The following CADPS variants were observed in gnomAD, a reference collection of about 807,000 sequenced individuals.
CADPS encodes the protein calcium-dependent secretion activator 1.
A neutral mutation model predicts 167.3 loss-of-function variants in CADPS; 57 were observed. The ratio of observed to expected loss-of-function variants is 0.34; its 90% CI spans 0.28 to 0.42. The LOEUF (loss-of-function observed/expected upper bound fraction) is 0.42, where lower values mean the gene tolerates loss of function less well. CADPS is among the 20% of genes least tolerant of loss of function. The pLI, the probability that CADPS is intolerant of heterozygous loss-of-function variation, is 1.00. For missense variants in CADPS, 1,414 were observed against 1,738.1 expected, an observed-to-expected ratio of 0.81 and a Z score of 3.32; for synonymous variants, 676 against 635.3, an observed-to-expected ratio of 1.06 and a Z score of -0.96.
chr3:62,645,650 C>A, intron 6 of CADPS, 72 bp downstream of exon 6: 1 of 1,543,748 alleles, frequency 6.5e-7, no homozygotes, highest in Non-Finnish European at 8.9e-7. Context: ...AGATCTTTAC[C>A]TTGGAGTTGG....
At position 62,533,003 on chromosome 3, in the gene CADPS, C is replaced by T. The variant is rs2074026360; in HGVS notation, c.2159G>A (p.Gly720Glu). 6 of 1,613,794 alleles carry T rather than the reference C, an allele frequency of 3.7e-6. No homozygotes were observed. Among genetic ancestry groups the T allele is most frequent in the Non-Finnish European group, 5.1e-6 (6 of 1,179,822 alleles). ...GAGATGTCGGTGACACCCCCGGACTCCATTTCGGGCGCAATACTCGTCTAG... is the reference window on the plus strand; with the variant it reads ...GAGATGTCGGTGACACCCCCGGACTTCATTTCGGGCGCAATACTCGTCTAG... ...FVLDEYCARN[G>E]VRGCHRHLCY... The change falls in exon 13 of 30, where the codon GGA (glycine) becomes GAA (glutamate). Residue 720 changes from glycine (G) to glutamate (E), a missense_variant. Physicochemically the swap from Gly to Glu is moderately conservative, Grantham distance 98 (BLOSUM62 -2). Coordinates refer to ENST00000383710, the MANE Select transcript of CADPS (RefSeq NM_003716.4).
At chr3:62,472,114 T>C (rs1372293088) in intron 24 of CADPS, among the ~76,000 whole-genome samples, 1 of 152,190 alleles carries the variant, frequency 6.6e-6, no homozygotes, top group African/African-American at 2.4e-5. Context: ...CGGCCACATA[T>C]TGTATGATTT....
chr3:62,684,742 C>A (rs1240515529), intron 3 of CADPS, among the ~76,000 whole-genome samples: 1 of 151,888 alleles, frequency 6.6e-6, no homozygotes, highest in African/African-American at 2.4e-5. Context: ...GAGTGTCTTC[C>A]CTGGTTTAAG....
At chr3:62,744,528 GT>G (rs1302185254) in intron 3 of CADPS, among the ~76,000 whole-genome samples, 1 of 152,176 alleles carries the variant, frequency 6.6e-6, no homozygotes, top group African/African-American at 2.4e-5. Flanking sequence ...ATCTGGACTG[GT>G]GAAACGTGTT....
rs562953640 is a variant in CADPS at position 62,568,581 on chromosome 3, T to A, written c.1644+2291A>T. Among the ~76,000 whole-genome samples, 16 of 152,360 alleles carry A rather than the reference T, an allele frequency of 1.1e-4. 1 individual carries two copies. In the South Asian group the frequency reaches 3.3e-3, roughly 32 times the overall value. On this transcript the variant is annotated intron_variant, in intron 9 of 29. Coordinates refer to ENST00000383710, the MANE Select transcript of CADPS (RefSeq NM_003716.4). ...AGGTCTTTGGCCTCAGACTGAAGGC[T>A]GTACTGTTGGCTTCCTTTGTTTTGA...
In CADPS at chr3:62,582,443, C is replaced by G. The variant is rs539516513; in HGVS notation, c.1577+2742G>C. Among the ~76,000 whole-genome samples the G allele has an allele frequency of 9.3e-4, 141 of 152,290 alleles. 2 individuals are homozygous for G. In the Middle Eastern group the frequency reaches 0.01, roughly 11 times the overall value. Reference sequence around the variant, plus strand: ...CCTGAGTGACAGAGCCCCACCCCATCTCAAAAAAATTTTTCTTTTCCTTTT... The same window carrying G: ...CCTGAGTGACAGAGCCCCACCCCATGTCAAAAAAATTTTTCTTTTCCTTTT... On this transcript the variant is annotated intron_variant, in intron 8 of 29. Transcript: ENST00000383710.
intron 9 of CADPS, among the ~76,000 whole-genome samples, chr3:62,568,309 G>C (rs1326251043): frequency 6.6e-6 from 1 of 152,226 alleles, no homozygotes; most frequent in African/African-American, 2.4e-5. Context: ...ACTGACAGTT[G>C]AGTTGGTGGC....
At chr3:62,840,704 T>C (rs2076533884) in intron 1 of CADPS, among the ~76,000 whole-genome samples, 1 of 152,206 alleles carries the variant, frequency 6.6e-6, no homozygotes, top group Non-Finnish European at 1.5e-5. Flanking sequence ...GCTGAGGCAG[T>C]AATACTTTTT....
intron 21 of CADPS, among the ~76,000 whole-genome samples, chr3:62,488,218 G>A (rs2063128632): frequency 6.6e-6 from 1 of 152,136 alleles, no homozygotes; most frequent in Non-Finnish European, 1.5e-5. Flanking sequence ...AAAAATCTAA[G>A]AAGAGAAATG....
chr3:62,816,105 C>G (rs1379130937), intron 1 of CADPS, among the ~76,000 whole-genome samples: 1 of 152,112 alleles, frequency 6.6e-6, no homozygotes, highest in African/African-American at 2.4e-5. Flanking sequence ...TCATGATACT[C>G]TGACCTGCTC....
chr3:62,662,490 A>G lies in CADPS; in HGVS notation c.889-96T>C. 5.0e-6 allele frequency: 5 copies of G among 991,082 alleles called. No homozygotes were observed. The South Asian group carries it at 6.9e-5, about 14-fold the overall frequency. 61.4% of individuals were successfully genotyped at this position (991,082 alleles called of 1,614,324 possible). On this transcript the variant is annotated intron_variant, in intron 3 of 29. Coordinates refer to ENST00000383710, the MANE Select transcript of CADPS (RefSeq NM_003716.4). The stretch of plus-strand genomic sequence containing the variant: ...TTTATACCCCCTTGCACTGTGCTCC[A>G]TGGACATATTTCAGTTAAAAAAAAA...
At chr3:62,417,388 G>A (rs530093629) in intron 28 of CADPS, among the ~76,000 whole-genome samples, 5 of 140,420 alleles carry the variant, frequency 3.6e-5, no homozygotes, top group African/African-American at 1.3e-4. Flanking sequence ...AGGTTCAAGC[G>A]ATTCTCAGGC....
At chr3:62,619,133 C>T (rs1038217757) in intron 6 of CADPS, among the ~76,000 whole-genome samples, 1 of 152,210 alleles carries the variant, frequency 6.6e-6, no homozygotes, top group Non-Finnish European at 1.5e-5. Flanking sequence ...ACAGTTGCAA[C>T]TAAGATTGTA....
intron 1 of CADPS, among the ~76,000 whole-genome samples, chr3:62,861,141 G>C (rs1415318343): frequency 3.9e-5 from 6 of 152,074 alleles, no homozygotes; most frequent in Non-Finnish European, 8.8e-5. Context: ...GCATCCTTTA[G>C]GTCAGCTGGA....
intron 3 of CADPS, among the ~76,000 whole-genome samples, chr3:62,683,379 T>C (rs554158295): frequency 6.6e-6 from 1 of 152,170 alleles, no homozygotes; most frequent in South Asian, 2.1e-4. Context: ...CTACCATGCA[T>C]AGGCTAGGCA....
At chr3:62,424,419 G>A (rs1469382581) in intron 28 of CADPS, among the ~76,000 whole-genome samples, 1 of 152,036 alleles carries the variant, frequency 6.6e-6, no homozygotes, top group Non-Finnish European at 1.5e-5. Context: ...TCCTGACCTC[G>A]TGATTTGCCT....
intron 11 of CADPS, among the ~76,000 whole-genome samples, chr3:62,539,361 C>T (rs1389264237): frequency 1.3e-5 from 2 of 152,040 alleles, no homozygotes; most frequent in Admixed American, 1.3e-4. Flanking sequence ...GCAAGTAAAG[C>T]GAGCCACCTC....
intron 28 of CADPS, among the ~76,000 whole-genome samples, chr3:62,416,777 T>C (rs2050144350): frequency 6.6e-6 from 1 of 152,168 alleles, no homozygotes; most frequent in Admixed American, 6.5e-5. Context: ...TATTTTATCA[T>C]TTCAGTGGGC....
At chr3:62,817,418 A>G (rs2094676280) in intron 1 of CADPS, among the ~76,000 whole-genome samples, 1 of 152,162 alleles carries the variant, frequency 6.6e-6, no homozygotes, top group South Asian at 2.1e-4. Context: ...TACAATCTAC[A>G]TGCCATCTTT....
Sources: allele counts gnomAD v4.1 joint callset (sites outside exome capture counted in the v4.1 genomes callset), GRCh38; gene constraint gnomAD v4.1.1; transcripts MANE v1.5; gene names NCBI Gene and HGNC (gene_info 2026-07-23, HGNC 2026-07-21).